LHFPL4: variants seen among roughly 807,000 people sequenced by gnomAD.
LHFPL4 encodes LHFPL tetraspan subfamily member 4.
In LHFPL4, 6 loss-of-function variants were observed where a neutral mutation model predicts 20.0. The observed-to-expected ratio is 0.30, with a 90% CI of 0.16 to 0.59. The LOEUF (loss-of-function observed/expected upper bound fraction) is 0.59. Ranked by LOEUF, LHFPL4 falls within the 20% of genes least tolerant of loss-of-function variation. The probability of loss-of-function intolerance (pLI) is 0.88; values close to 1 mark genes in which losing one functional copy is unlikely to be tolerated. For synonymous variants in LHFPL4, 129 were observed against 143.8 expected (o/e 0.90, Z 0.74); for missense variants, 215 against 331.2 (o/e 0.65, Z 2.72).
chr3:9,546,866 G>A (rs1170164090), intron 2 of LHFPL4, among the ~76,000 whole-genome samples: 1 of 152,170 alleles, frequency 6.6e-6, no homozygotes, highest in Non-Finnish European at 1.5e-5. Context: ...TTCCAAAGCA[G>A]GTGCAATGAT....
intron 2 of LHFPL4, among the ~76,000 whole-genome samples, chr3:9,546,968 T>G (rs2046518963): frequency 6.6e-6 from 1 of 152,124 alleles, no homozygotes; most frequent in South Asian, 2.1e-4. Context: ...GAGCAGGGAT[T>G]CTAAGTCCTC....
chr3:9,510,139 A>T (rs1001289017), intron 2 of LHFPL4, among the ~76,000 whole-genome samples: 1 of 152,180 alleles, frequency 6.6e-6, no homozygotes. Context: ...GGGCACCACC[A>T]AACCCAGTCA....
In LHFPL4 at chr3:9,504,093, G is replaced by A. The variant is rs190451145; in HGVS notation, c.644-1782C>T. Among the ~76,000 whole-genome samples the A allele has an allele frequency of 1.3e-3, 198 of 151,908 alleles. 3 individuals are homozygous for A. The East Asian group carries it at 0.028, about 22-fold the overall frequency. On this transcript the variant is annotated intron_variant, in intron 3 of 3. Transcript: ENST00000287585. ...ACCATTCAATAACTATAACTCAGCC[G>A]GGTGTGCTGGCTCATGCCTGTAATC... is the stretch of plus-strand genomic sequence containing the variant.
Position 9,552,296 on chromosome 3 carries a change from G to T in LHFPL4, c.384C>A (p.Cys128Ter). 6.2e-7 allele frequency: 1 copy of T among 1,607,922 alleles called. No homozygotes were observed. The highest frequency in any genetic ancestry group is 8.5e-7 in the Non-Finnish European group (1 of 1,175,588). The change falls in exon 2 of 4, where the codon TGC becomes TGA. Residue 128 changes from cysteine to a stop codon, truncating the protein, a stop_gained. Coordinates refer to ENST00000287585, the MANE Select transcript of LHFPL4 (RefSeq NM_198560.3). LOFTEE classifies it high-confidence loss of function. ...FCNTATVYKICAWMQLLAALC... is the reference protein window; with the variant it reads ...FCNTATVYKI ...TACCTGCCAAGAGCTGCATCCAGGC[G>T]CAGATCTTGTAGACCGTAGCCGTGT...
chr3:9,506,301 G>T lies in LHFPL4; in HGVS notation c.407-98C>A. Reference sequence around the variant, plus strand: ...GCAGTCTGGGCCCCACCCTATTGAGGGCACATCAACCCAACCACGTGCTTG... The same window carrying T: ...GCAGTCTGGGCCCCACCCTATTGAGTGCACATCAACCCAACCACGTGCTTG... On this transcript the variant is annotated intron_variant, in intron 2 of 3. Coordinates refer to ENST00000287585, the MANE Select transcript of LHFPL4 (RefSeq NM_198560.3). The surrounding 1 kb of genome is among the most constrained non-coding windows in gnomAD (Gnocchi z 4.5). 1 of 957,788 alleles carries T rather than the reference G, an allele frequency of 1.0e-6. No individual in the cohort carries two copies. The highest frequency in any genetic ancestry group is 1.6e-6 in the Non-Finnish European group (1 of 608,746). The allele number at this position is 957,788 out of a possible 1,614,324, so 59.3% of individuals were successfully genotyped here.
Position 9,506,469 on chromosome 3 carries a change from G to A in LHFPL4, c.407-266C>T, listed in dbSNP as rs1463889703. 6.6e-6 allele frequency among the ~76,000 whole-genome samples: 1 copy of A among 152,164 alleles called. No individual in the cohort carries two copies. The highest frequency in any genetic ancestry group is 1.5e-5 in the Non-Finnish European group (1 of 68,034). ...ATGAGATCAACTCCTCCTCCAGGAA[G>A]CATTCTGGGAATATGAGAACATAGC... On this transcript the variant is annotated intron_variant, in intron 2 of 3. Coordinates refer to ENST00000287585, the MANE Select transcript of LHFPL4 (RefSeq NM_198560.3). This position sits in a 1 kb window ranked among gnomAD's most constrained non-coding sequence, Gnocchi z 4.5.
rs933600113 is a variant in LHFPL4 at position 9,498,829 on chromosome 3, C to G, written c.*3382G>C. On this transcript the variant is annotated 3_prime_UTR_variant, in exon 4 of 4. Coordinates refer to ENST00000287585, the MANE Select transcript of LHFPL4 (RefSeq NM_198560.3). ...AGCCTTATCTAAAAGTTCTCATCAT[C>G]TTGGCTATCAGGCCTGAAAAGGATC... 6.5e-6 allele frequency: 1 copy of G among 152,708 alleles called. No individual in the cohort carries two copies. The highest frequency in any genetic ancestry group is 2.4e-5 in the African/African-American group (1 of 41,466). The allele number at this position is 152,708 out of a possible 1,614,324, so 9.5% of individuals were successfully genotyped here. A position where few individuals can be genotyped will look rare whatever the true frequency, so the allele number is the denominator to read the frequency against.
chr3:9,518,038 T>A lies in LHFPL4; in HGVS notation c.407-11835A>T, dbSNP rs530171913. On this transcript the variant is annotated intron_variant, in intron 2 of 3. Transcript: ENST00000287585. The stretch of plus-strand genomic sequence containing the variant: ...ACATCTAGTTTCTTACCATTAAATA[T>A]AATGTCTGTTGTAGGTTTTTTTGGC... 1.2e-3 allele frequency among the ~76,000 whole-genome samples: 187 copies of A among 152,262 alleles called. 1 individual carries two copies. The South Asian group carries it at 0.015, about 12-fold the overall frequency.
chr3:9,547,934 T>G (rs1367197336), intron 2 of LHFPL4, among the ~76,000 whole-genome samples: 1 of 152,176 alleles, frequency 6.6e-6, no homozygotes, highest in African/African-American at 2.4e-5. Flanking sequence ...CCCTCCTGAG[T>G]AGCTGGGACT....
intron 2 of LHFPL4, among the ~76,000 whole-genome samples, chr3:9,549,449 A>G (rs1229992052): frequency 1.3e-5 from 2 of 152,208 alleles, no homozygotes; most frequent in Admixed American, 6.5e-5. Context: ...TAATCCCAGC[A>G]TTTTGGGAGG....
chr3:9,528,806 G>C (rs2046390660), intron 2 of LHFPL4, among the ~76,000 whole-genome samples: 2 of 151,794 alleles, frequency 1.3e-5, no homozygotes, highest in Admixed American at 6.6e-5. Flanking sequence ...GTAGAGATGG[G>C]GTTTCACCGT....
intron 2 of LHFPL4, among the ~76,000 whole-genome samples, chr3:9,520,581 T>C (rs776968688): frequency 3.3e-5 from 5 of 152,130 alleles, no homozygotes; most frequent in African/African-American, 9.7e-5. Context: ...CTTGAACTCC[T>C]GATCCGCCTG....
intron 2 of LHFPL4, among the ~76,000 whole-genome samples, chr3:9,514,054 T>TA (rs905069568): frequency 6.6e-6 from 1 of 152,202 alleles, no homozygotes; most frequent in Non-Finnish European, 1.5e-5. Flanking sequence ...CTATATAACT[T>TA]ACGGTGGTAT....
At chr3:9,551,722 C>T (rs1477484312) in intron 2 of LHFPL4, among the ~76,000 whole-genome samples, 1 of 152,058 alleles carries the variant, frequency 6.6e-6, no homozygotes, top group Admixed American at 6.5e-5. Flanking sequence ...AATAGACAGC[C>T]TCTCCCCCTT....
At chr3:9,525,885 G>T (rs1395029924) in intron 2 of LHFPL4, among the ~76,000 whole-genome samples, 6 of 152,168 alleles carry the variant, frequency 3.9e-5, no homozygotes, top group Non-Finnish European at 5.9e-5. Context: ...GTTAAATGAT[G>T]AGTCTGACCT....
intron 2 of LHFPL4, among the ~76,000 whole-genome samples, chr3:9,507,469 G>A (rs573886446): frequency 2.6e-5 from 4 of 152,364 alleles, no homozygotes; most frequent in African/African-American, 7.2e-5. Context: ...ATGGAAGGCA[G>A]CAAAGTGTAA....
intron 3 of LHFPL4, among the ~76,000 whole-genome samples, chr3:9,504,711 G>C (rs902271201): frequency 6.6e-6 from 1 of 151,686 alleles, no homozygotes; most frequent in African/African-American, 2.4e-5. Context: ...TGTAGTCCTA[G>C]CTACTCAGGA....
intron 2 of LHFPL4, among the ~76,000 whole-genome samples, chr3:9,523,492 A>G (rs2046353689): frequency 6.7e-6 from 1 of 148,306 alleles, no homozygotes; most frequent in African/African-American, 2.5e-5. Flanking sequence ...ATTTATTTTG[A>G]GACAGAGTCT....
intron 2 of LHFPL4, among the ~76,000 whole-genome samples, chr3:9,521,337 A>T (rs1395692254): frequency 6.9e-6 from 1 of 144,636 alleles, no homozygotes; most frequent in Non-Finnish European, 1.5e-5. Flanking sequence ...TGATCCTCCC[A>T]CTTCAGCCTC....
Sources: gnomAD v4.1 joint callset for allele counts (sites outside exome capture counted in the v4.1 genomes callset) on GRCh38, gnomAD v4.1.1 for gene constraint, Gnocchi (gnomAD v3.1) non-coding constraint, MANE v1.5 for transcripts, NCBI Gene and HGNC (gene_info 2026-07-23, HGNC 2026-07-21) for gene names.